Variants in GPC6 observed in about 807,000 individuals in gnomAD.
GPC6 encodes glypican-6.
GPC6 carries 14 observed loss-of-function variants against 55.2 expected under a neutral mutation model. The ratio of observed to expected loss-of-function variants is 0.25; its 90% CI spans 0.17 to 0.40. The LOEUF is 0.40. GPC6 is among the 10% of genes least tolerant of loss of function. The pLI, the probability that GPC6 is intolerant of heterozygous loss-of-function variation, is 1.00. For missense variants in GPC6, 641 were observed against 708.5 expected (o/e 0.90, Z 1.08); for synonymous variants, 278 against 259.6 (o/e 1.07, Z -0.68).
At chr13:93,649,775 T>C (rs916410664) in intron 2 of GPC6, among the ~76,000 whole-genome samples, 1 of 152,188 alleles carries the variant, frequency 6.6e-6, no homozygotes, top group African/African-American at 2.4e-5. Context: ...TGGACAGTTA[T>C]GCTTATGCAG....
At chr13:93,319,249 A>C (rs1195143082) in intron 1 of GPC6, among the ~76,000 whole-genome samples, 1 of 152,116 alleles carries the variant, frequency 6.6e-6, no homozygotes, top group East Asian at 1.9e-4. Flanking sequence ...CCTCGTGCAT[A>C]GTGTTCCTAG....
At chr13:93,383,618 C>T (rs1034303517) in intron 1 of GPC6, among the ~76,000 whole-genome samples, 1 of 152,106 alleles carries the variant, frequency 6.6e-6, no homozygotes, top group Admixed American at 6.5e-5. Flanking sequence ...TTCTGAAGAC[C>T]ATGTCATTTT....
intron 2 of GPC6, among the ~76,000 whole-genome samples, chr13:93,558,503 G>A (rs1320318701): frequency 6.6e-6 from 1 of 152,138 alleles, no homozygotes; most frequent in Non-Finnish European, 1.5e-5. Flanking sequence ...TTCGAAACAT[G>A]GAAATAGGAT....
chr13:93,689,026 A>G (rs1448004346), intron 2 of GPC6, among the ~76,000 whole-genome samples: 1 of 151,926 alleles, frequency 6.6e-6, no homozygotes, highest in Admixed American at 6.6e-5. Context: ...AACCTAGGTC[A>G]TCTCTATTTC....
chr13:94,306,233 T>A, intron 6 of GPC6, 110 bp downstream of exon 6: 1 of 1,035,676 alleles, frequency 9.7e-7, no homozygotes. Context: ...CATCTCATGC[T>A]TATATCTGCC....
At chr13:94,033,315 A>G (rs551713442) in intron 4 of GPC6, among the ~76,000 whole-genome samples, 2 of 152,200 alleles carry the variant, frequency 1.3e-5, no homozygotes, top group Non-Finnish European at 2.9e-5. Context: ...AGCCAGCCAC[A>G]AGGAAGCTGT....
chr13:94,055,897 C>T (rs1884115980), intron 4 of GPC6, among the ~76,000 whole-genome samples: 1 of 152,064 alleles, frequency 6.6e-6, no homozygotes, highest in Admixed American at 6.5e-5. Context: ...TGATGAGGTT[C>T]CACTTGAGGA....
chr13:94,295,904 A>G (rs1875308267), intron 5 of GPC6, among the ~76,000 whole-genome samples: 1 of 152,118 alleles, frequency 6.6e-6, no homozygotes, highest in South Asian at 2.1e-4. Context: ...TATCTTCTCT[A>G]TTCAAATTCT....
chr13:93,291,594 T>G (rs1301007455), intron 1 of GPC6, among the ~76,000 whole-genome samples: 2 of 152,164 alleles, frequency 1.3e-5, no homozygotes, highest in African/African-American at 4.8e-5. Flanking sequence ...TGTCATTAGG[T>G]AACAGCAAAT....
intron 4 of GPC6, among the ~76,000 whole-genome samples, chr13:94,037,403 A>G (rs978871477): frequency 9.2e-5 from 14 of 152,096 alleles, no homozygotes; most frequent in African/African-American, 2.6e-4. Flanking sequence ...ACTTGCAACC[A>G]TAATATCTAA....
chr13:93,837,728 T>C (rs544860913), intron 3 of GPC6, among the ~76,000 whole-genome samples: 2 of 152,290 alleles, frequency 1.3e-5, no homozygotes, highest in South Asian at 4.1e-4. Context: ...ATAAATGCTT[T>C]GGGAACTGAG....
At chr13:93,650,030 T>C (rs1880338804) in intron 2 of GPC6, among the ~76,000 whole-genome samples, 1 of 152,056 alleles carries the variant, frequency 6.6e-6, no homozygotes, top group Non-Finnish European at 1.5e-5. Context: ...AGAAAGAAAA[T>C]GGAAATGAAA....
chr13:93,390,699 T>A (rs1566331866), intron 1 of GPC6, among the ~76,000 whole-genome samples: 1 of 152,104 alleles, frequency 6.6e-6, no homozygotes, highest in Non-Finnish European at 1.5e-5. Flanking sequence ...GATTGATCTT[T>A]ATTATCTTTT....
intron 2 of GPC6, among the ~76,000 whole-genome samples, chr13:93,679,611 T>G (rs1268572749): frequency 6.6e-6 from 1 of 152,166 alleles, no homozygotes; most frequent in Non-Finnish European, 1.5e-5. Flanking sequence ...CTTATGGCAC[T>G]TATGTGCAGC....
chr13:93,891,297 A>C (rs12427626), intron 3 of GPC6, among the ~76,000 whole-genome samples: 7,249 of 152,218 alleles, frequency 0.048, 397 homozygotes, highest in East Asian at 0.17. Flanking sequence ...AACTGCCAGC[A>C]AAGATTTTTC....
At chr13:93,583,598 G>A (rs1003444622) in intron 2 of GPC6, among the ~76,000 whole-genome samples, 3 of 152,088 alleles carry the variant, frequency 2.0e-5, no homozygotes, top group Admixed American at 2.0e-4. Flanking sequence ...TATATTTTTA[G>A]TAGAGATGGA....
chr13:93,517,920 A>T (rs1189080742), intron 1 of GPC6, among the ~76,000 whole-genome samples: 1 of 151,906 alleles, frequency 6.6e-6, no homozygotes. Flanking sequence ...TTTTCAGCAA[A>T]TCTCTCTTCT....
At chr13:93,423,984 C>T (rs1396807569) in intron 1 of GPC6, among the ~76,000 whole-genome samples, 2 of 152,036 alleles carry the variant, frequency 1.3e-5, no homozygotes, top group African/African-American at 4.8e-5. Context: ...CTCCTACCCT[C>T]CTTTGCAAGA....
chr13:93,569,673 T>G (rs138072426), intron 2 of GPC6, among the ~76,000 whole-genome samples: 5 of 152,246 alleles, frequency 3.3e-5, no homozygotes, highest in Admixed American at 1.3e-4. Flanking sequence ...TAATAACTAA[T>G]ATTAATAGCA....
Sources: gnomAD v4.1 joint callset for allele counts (sites outside exome capture counted in the v4.1 genomes callset) on GRCh38, gnomAD v4.1.1 for gene constraint, MANE v1.5 for transcripts, NCBI Gene and HGNC (gene_info 2026-07-23, HGNC 2026-07-21) for gene names.